The following MAP4K5 variants were observed in gnomAD, a reference collection of about 807,000 sequenced individuals.
MAP4K5 encodes the protein MAPK/ERK kinase kinase kinase 5.
In MAP4K5, 82 loss-of-function variants were observed where a neutral mutation model predicts 135.6. The ratio of observed to expected loss-of-function variants is 0.60; its 90% confidence interval spans 0.51 to 0.73. The LOEUF (loss-of-function observed/expected upper bound fraction) is 0.73, where lower values mean the gene tolerates loss of function less well. MAP4K5 is among the 30% of genes least tolerant of loss of function. The pLI is 0.00. For missense variants in MAP4K5, 907 were observed against 1,010.9 expected (o/e 0.90, Z 1.39); for synonymous variants, 347 against 335.0 (o/e 1.04, Z -0.39).
At chr14:50,550,056 G>C (rs12891820) in intron 1 of MAP4K5, among the ~76,000 whole-genome samples, 30,864 of 152,204 alleles carry the variant, frequency 0.2, 3,910 homozygotes, top group Middle Eastern at 0.29. Context: ...TATGATGCTG[G>C]AGGGTGAATG....
At chr14:50,440,493 T>C in intron 21 of MAP4K5, 52 bp from the exon 22 acceptor site, 2 of 912,618 alleles carry the variant, frequency 2.2e-6, no homozygotes, top group Non-Finnish European at 3.4e-6. Flanking sequence ...TCTGAAATCA[T>C]TCACTAAAAT....
In MAP4K5 at chr14:50,464,146, AGAGACG is replaced by A; in HGVS notation, c.738-19_738-14del. On this transcript the variant is annotated splice_polypyrimidine_tract_variant and intron_variant, in intron 11 of 32. Coordinates refer to ENST00000682126, the MANE Select transcript of MAP4K5 (RefSeq NM_006575.6). Reference sequence around the variant, plus strand: ...GAATGTTGATGACCTTAAAATAAAAAGAGACGTACAAAAATATTTCACTACTATTAC... The same window carrying A: ...GAATGTTGATGACCTTAAAATAAAAATACAAAAATATTTCACTACTATTAC... 1 of 1,300,676 alleles carries A rather than the reference AGAGACG, an allele frequency of 7.7e-7. No individual in the cohort carries two copies. Among genetic ancestry groups the A allele is most frequent in the Non-Finnish European group, 1.1e-6 (1 of 923,068 alleles). 80.6% of individuals were successfully genotyped at this position (1,300,676 alleles called of 1,614,324 possible). A position where few individuals can be genotyped will look rare whatever the true frequency, so the allele number is the denominator to read the frequency against.
At chr14:50,543,486 A>G (rs531064343) in intron 1 of MAP4K5, among the ~76,000 whole-genome samples, 40 of 152,352 alleles carry the variant, frequency 2.6e-4, no homozygotes, top group African/African-American at 9.1e-4. Flanking sequence ...TTTTATCACC[A>G]TGTATCACAA....
Position 50,444,011 on chromosome 14 carries a change from C to A in MAP4K5, c.1365G>T (p.Leu455=), listed in dbSNP as rs753625030. ...SIGNGDGISK[L]MSENTEGSAQ... ...CTGATCCTTCTGTATTTTCACTCAT[C>A]AGTTTTGAAATACCATCACCATTTC... The change falls in exon 19 of 33, where the codon CTG becomes CTT. Residue 455 remains leucine (L), a synonymous_variant. Coordinates refer to ENST00000682126, the MANE Select transcript of MAP4K5 (RefSeq NM_006575.6). 4.4e-6 allele frequency: 7 copies of A among 1,605,178 alleles called. No individual in the cohort carries two copies. The highest frequency in any genetic ancestry group is 5.1e-6 in the Non-Finnish European group (6 of 1,175,178).
At chr14:50,454,383 T>C (rs1406263267) in intron 14 of MAP4K5, among the ~76,000 whole-genome samples, 1 of 152,186 alleles carries the variant, frequency 6.6e-6, no homozygotes, top group African/African-American at 2.4e-5. Flanking sequence ...TATGAGTGTA[T>C]ATATTTAAAA....
intron 6 of MAP4K5, among the ~76,000 whole-genome samples, chr14:50,479,223 T>C (rs894900005): frequency 1.3e-5 from 2 of 151,768 alleles, no homozygotes; most frequent in Non-Finnish European, 2.9e-5. Flanking sequence ...TTTTCTTCTG[T>C]TGTCCCTTCA....
At chr14:50,559,882 C>A (rs1465353948) in intron 1 of MAP4K5, 3 of 285,692 alleles carry the variant, frequency 1.1e-5, no homozygotes, top group African/African-American at 6.5e-5. Flanking sequence ...TGCAGTATAT[C>A]GGTTTGTGTA....
intron 24 of MAP4K5, 28 bp downstream of exon 24, chr14:50,438,064 A>G: frequency 1.0e-6 from 1 of 1,004,742 alleles, no homozygotes; most frequent in South Asian, 1.3e-5. Context: ...GAGAAATACA[A>G]TTTTCGAGAA....
chr14:50,531,997 T>C lies in MAP4K5; in HGVS notation c.53A>G (p.Gln18Arg), dbSNP rs374972862. 5.0e-6 allele frequency: 8 copies of C among 1,601,392 alleles called. No homozygotes were observed. In the African/African-American group the frequency reaches 1.1e-4, roughly 22 times the overall value. ...AADILRRNPQ[Q>R]DYELVQRVGS... ...GACCCTCTGGACGAGTTCGTAGTCC[T>C]GCTGCGGGTTCCGCCTCAGGATGTC... Residue 18 changes from glutamine to arginine, a missense_variant, in exon 2 of 33, where the codon CAG becomes CGG. Physicochemically the swap from Gln to Arg is conservative, Grantham distance 43. Coordinates refer to ENST00000682126, the MANE Select transcript of MAP4K5 (RefSeq NM_006575.6).
At chr14:50,473,091 A>C (rs1455993250) in intron 9 of MAP4K5, among the ~76,000 whole-genome samples, 1 of 152,100 alleles carries the variant, frequency 6.6e-6, no homozygotes, top group Non-Finnish European at 1.5e-5. Flanking sequence ...TCAGTTAATA[A>C]TTTTTCTTTA....
chr14:50,436,511 G>A (rs987576472), intron 26 of MAP4K5, among the ~76,000 whole-genome samples: 16 of 151,086 alleles, frequency 1.1e-4, no homozygotes, highest in Non-Finnish European at 2.1e-4. Context: ...ACCTTTAGTG[G>A]GGCTGCATAC....
intron 2 of MAP4K5, among the ~76,000 whole-genome samples, chr14:50,525,230 C>A (rs1048226340): frequency 6.6e-6 from 1 of 152,176 alleles, no homozygotes; most frequent in Non-Finnish European, 1.5e-5. Context: ...ATGTTCAAAA[C>A]CAAACACAAA....
intron 3 of MAP4K5, among the ~76,000 whole-genome samples, chr14:50,492,455 G>A (rs1193268525): frequency 2.6e-5 from 4 of 152,048 alleles, no homozygotes; most frequent in Non-Finnish European, 5.9e-5. Flanking sequence ...TTAGCCAGAT[G>A]TGCTGGCGTG....
intron 14 of MAP4K5, chr14:50,450,100 C>G (rs1387859580): frequency 6.6e-6 from 1 of 152,166 alleles, no homozygotes; most frequent in Non-Finnish European, 1.5e-5. Flanking sequence ...CGCCACCACG[C>G]CTGGCTAATT....
chr14:50,497,520 T>A (rs1056233171), intron 3 of MAP4K5, among the ~76,000 whole-genome samples: 1 of 152,218 alleles, frequency 6.6e-6, no homozygotes, highest in Non-Finnish European at 1.5e-5. Context: ...CTTGTCCTAT[T>A]TGGCCAAACA....
At chr14:50,459,890 G>T (rs1439313320) in intron 13 of MAP4K5, among the ~76,000 whole-genome samples, 1 of 151,940 alleles carries the variant, frequency 6.6e-6, no homozygotes, top group Admixed American at 6.6e-5. Context: ...TGTAGAAATG[G>T]GGTTTCGCTA....
At chr14:50,487,522 TTAAAGA>T (rs1413446216) in intron 3 of MAP4K5, among the ~76,000 whole-genome samples, 2 of 152,200 alleles carry the variant, frequency 1.3e-5, no homozygotes, top group Non-Finnish European at 2.9e-5. Context: ...GAGAAAACCT[TTAAAGA>T]TAATCTACCT....
intron 3 of MAP4K5, among the ~76,000 whole-genome samples, chr14:50,487,938 G>GA (rs1485085503): frequency 1.3e-5 from 2 of 151,840 alleles, no homozygotes; most frequent in African/African-American, 4.8e-5. Flanking sequence ...TTTCATGTTT[G>GA]AAAAAACATG....
At chr14:50,560,062 C>T in intron 1 of MAP4K5, 1 of 625,986 alleles carries the variant, frequency 1.6e-6, no homozygotes, top group East Asian at 2.8e-5. Context: ...TGAACTCGGG[C>T]TTGTGATGCT....
Sources: allele counts gnomAD v4.1 joint callset (sites outside exome capture counted in the v4.1 genomes callset), GRCh38; gene constraint gnomAD v4.1.1; transcripts MANE v1.5; gene names NCBI Gene and HGNC (gene_info 2026-07-23, HGNC 2026-07-21).